GUCA2B: variants seen among roughly 807,000 people sequenced by gnomAD.
GUCA2B encodes the protein guanylate cyclase activator 2B.
GUCA2B carries 7 observed loss-of-function variants against 11.1 expected under a neutral mutation model. That is an observed-to-expected ratio of 0.63 (90% confidence interval 0.36 to 1.18). The LOEUF is 1.18. Among genes scored for constraint, GUCA2B ranks in the 50% most tolerant of loss-of-function variants. GUCA2B has a pLI of 0.02. For synonymous variants in GUCA2B, 69 were observed against 65.3 expected (o/e 1.06, Z -0.27); for missense variants, 140 against 142.5 (o/e 0.98, Z 0.09).
At position 42,154,824 on chromosome 1, in the gene GUCA2B, G is replaced by C. The variant is rs1264854206; in HGVS notation, c.235G>C (p.Val79Leu). Residue 79 changes from valine (V) to leucine (L), a missense_variant, in exon 2 of 3, where the codon GTC becomes CTC. Physicochemically the swap from Val to Leu is conservative, Grantham distance 32 (BLOSUM62 1). Coordinates refer to ENST00000372581, the MANE Select transcript of GUCA2B (RefSeq NM_007102.3). ...TGCTCTGCCTCAGGACCTTCAGCCT[G>C]TCTGCGCCTCGCAGGAGGCTTCCAG... is the stretch of plus-strand genomic sequence containing the variant. ...HPALPQDLQP[V>L]CASQEASSIF... 1 of 1,614,046 alleles carries C rather than the reference G, an allele frequency of 6.2e-7. No individual in the cohort carries two copies. Among genetic ancestry groups the C allele is most frequent in the South Asian group, 1.1e-5 (1 of 91,064 alleles).
intron 1 of GUCA2B, 78 bp from the exon 2 acceptor site, chr1:42,154,602 G>C: frequency 8.2e-7 from 1 of 1,219,836 alleles, no homozygotes; most frequent in Non-Finnish European, 1.2e-6. Flanking sequence ...CAGGGTTTGA[G>C]CAACCCTGGG....
intron 2 of GUCA2B, 51 bp downstream of exon 2, chr1:42,154,917 A>G: frequency 7.0e-7 from 1 of 1,435,004 alleles, no homozygotes; most frequent in Non-Finnish European, 9.6e-7. Context: ...TCCCACGCCC[A>G]GGCTCCTCCA....
chr1:42,153,588 G>A, intron 1 of GUCA2B, 48 bp downstream of exon 1: 3 of 1,359,798 alleles, frequency 2.2e-6, no homozygotes, highest in Admixed American at 1.7e-5. Context: ...CCCCATGGTG[G>A]GAGGCTAGGC....
At chr1:42,154,603 C>A in intron 1 of GUCA2B, 77 bp from the exon 2 acceptor site, 1 of 1,228,308 alleles carries the variant, frequency 8.1e-7, no homozygotes, top group Non-Finnish European at 1.2e-6. Flanking sequence ...AGGGTTTGAG[C>A]AACCCTGGGT....
At position 42,155,602 on chromosome 1, in the gene GUCA2B, C is replaced by G; in HGVS notation, c.*6C>G. 1 of 1,609,658 alleles carries G rather than the reference C, an allele frequency of 6.2e-7. No homozygotes were observed. The highest frequency in any genetic ancestry group is 8.5e-7 in the Non-Finnish European group (1 of 1,175,906). On this transcript the variant is annotated 3_prime_UTR_variant, in exon 3 of 3. Transcript: ENST00000372581. ...CGTGTACCGGCTGCCTCTGAGATAG[C>G]CCTGGGTACCCTGAGCCCACCAGGG... is the stretch of plus-strand genomic sequence containing the variant.
At chr1:42,155,451 G>A (rs1304439250) in intron 2 of GUCA2B, 84 bp from the exon 3 acceptor site, 12 of 1,071,124 alleles carry the variant, frequency 1.1e-5, no homozygotes, top group African/African-American at 1.5e-5. Context: ...GGAAGATGCC[G>A]CCCATTCCCA....
At position 42,155,647 on chromosome 1, in the gene GUCA2B, A is replaced by G. The variant is rs1202015346; in HGVS notation, c.*51A>G. On this transcript the variant is annotated 3_prime_UTR_variant, in exon 3 of 3. Transcript: ENST00000372581. Reference sequence around the variant, plus strand: ...CCAGGGACACCTCGCCCTTCAGCCCACCACCCTGGCAGGCTTCCATCCCCG... The same window carrying G: ...CCAGGGACACCTCGCCCTTCAGCCCGCCACCCTGGCAGGCTTCCATCCCCG... The G allele has an allele frequency of 7.2e-7, 1 of 1,396,450 alleles. No individual in the cohort carries two copies. The highest frequency in any genetic ancestry group is 1.0e-6 in the Non-Finnish European group (1 of 981,020). The allele number at this position is 1,396,450 out of a possible 1,614,324, so 86.5% of individuals were successfully genotyped here. A position where few individuals can be genotyped will look rare whatever the true frequency, so the allele number is the denominator to read the frequency against.
intron 2 of GUCA2B, 56 bp from the exon 3 acceptor site, chr1:42,155,479 G>A: frequency 7.2e-7 from 1 of 1,398,468 alleles, no homozygotes; most frequent in Non-Finnish European, 1.0e-6. Flanking sequence ...CTCTTCTGCT[G>A]CCTGGCCACA....
chr1:42,155,755 T>C lies in GUCA2B; in HGVS notation c.*159T>C, dbSNP rs770447622. On this transcript the variant is annotated 3_prime_UTR_variant, in exon 3 of 3. Transcript: ENST00000372581. ...AGCAGCTGGATCTGGTACAAAGCAA[T>C]CGGACATAGAGTTGGAGGGGGAGGC... is the stretch of plus-strand genomic sequence containing the variant. 3 of 681,532 alleles carry C rather than the reference T, an allele frequency of 4.4e-6. No homozygotes were observed. Among genetic ancestry groups the C allele is most frequent in the Non-Finnish European group, 8.0e-6 (3 of 375,504 alleles). The allele number at this position is 681,532 out of a possible 1,614,324, so 42.2% of individuals were successfully genotyped here.
intron 2 of GUCA2B, 70 bp downstream of exon 2, chr1:42,154,936 G>GT (rs906807376): frequency 8.5e-6 from 11 of 1,294,718 alleles, no homozygotes; most frequent in Non-Finnish European, 1.2e-5. Context: ...CACCTGGGTT[G>GT]TTTCTCTTAA....
chr1:42,155,683 A>G lies in GUCA2B; in HGVS notation c.*87A>G. 1 of 1,020,964 alleles carries G rather than the reference A, an allele frequency of 9.8e-7. No individual in the cohort carries two copies. The highest frequency in any genetic ancestry group is 1.7e-5 in the Admixed American group (1 of 58,892). The allele number at this position is 1,020,964 out of a possible 1,614,324, so 63.2% of individuals were successfully genotyped here. On this transcript the variant is annotated 3_prime_UTR_variant, in exon 3 of 3. Transcript: ENST00000372581. ...AGGCTTCCATCCCCGTCCATGCTCA[A>G]GATGGGTCCCTGGCCACCATGGTCA...
intron 1 of GUCA2B, 102 bp from the exon 2 acceptor site, chr1:42,154,578 C>T (rs1424777732): frequency 1.1e-6 from 1 of 918,478 alleles, no homozygotes; most frequent in Non-Finnish European, 1.8e-6. Flanking sequence ...ACGGGGAAGG[C>T]TCTGGAGGAT....
At chr1:42,153,564 CT>C in intron 1 of GUCA2B, 24 bp downstream of exon 1, 1 of 1,549,840 alleles carries the variant, frequency 6.5e-7, no homozygotes, top group Non-Finnish European at 8.9e-7. Context: ...CCAGCGTTCC[CT>C]TTGCCTGAAG....
chr1:42,153,881 C>T (rs1334208917), intron 1 of GUCA2B, among the ~76,000 whole-genome samples: 3 of 152,270 alleles, frequency 2.0e-5, no homozygotes, highest in Non-Finnish European at 2.9e-5. Context: ...CCCACAGTTC[C>T]GTATATTCAC....
intron 1 of GUCA2B, 64 bp from the exon 2 acceptor site, chr1:42,154,616 C>A: frequency 7.4e-7 from 1 of 1,355,892 alleles, no homozygotes; most frequent in South Asian, 1.2e-5. Context: ...CCCTGGGTGT[C>A]ATGGCAGTGC....
chr1:42,155,001 G>T lies in GUCA2B; in HGVS notation c.277+135G>T, dbSNP rs1569690688. The T allele has an allele frequency of 2.0e-5, 14 of 699,240 alleles. No individual in the cohort carries two copies. In the East Asian group the frequency reaches 3.8e-4, roughly 19 times the overall value. The allele number at this position is 699,240 out of a possible 1,614,324, so 43.3% of individuals were successfully genotyped here. ...AAGTAACTCAGGCCCTGTCCCACTGGCTCCCAGGACTCCCCGGTTTGGGCA... is the reference window on the plus strand; with the variant it reads ...AAGTAACTCAGGCCCTGTCCCACTGTCTCCCAGGACTCCCCGGTTTGGGCA... On this transcript the variant is annotated intron_variant, in intron 2 of 2. Coordinates refer to ENST00000372581, the MANE Select transcript of GUCA2B (RefSeq NM_007102.3).
chr1:42,155,604 C>G lies in GUCA2B; in HGVS notation c.*8C>G. 8.1e-6 allele frequency: 13 copies of G among 1,608,320 alleles called. No individual in the cohort carries two copies. The highest frequency in any genetic ancestry group is 1.1e-5 in the Non-Finnish European group (13 of 1,174,648). On this transcript the variant is annotated 3_prime_UTR_variant, in exon 3 of 3. Coordinates refer to ENST00000372581, the MANE Select transcript of GUCA2B (RefSeq NM_007102.3). ...TGTACCGGCTGCCTCTGAGATAGCCCTGGGTACCCTGAGCCCACCAGGGAC... is the reference window on the plus strand; with the variant it reads ...TGTACCGGCTGCCTCTGAGATAGCCGTGGGTACCCTGAGCCCACCAGGGAC...
intron 2 of GUCA2B, 97 bp from the exon 3 acceptor site, chr1:42,155,438 T>G: frequency 1.1e-6 from 1 of 939,742 alleles, no homozygotes; most frequent in South Asian, 1.3e-5. Flanking sequence ...GCTCCCAGTC[T>G]GTGGAAGATG....
intron 1 of GUCA2B, 40 bp downstream of exon 1, chr1:42,153,580 C>G (rs373673556): frequency 5.0e-5 from 71 of 1,414,852 alleles, no homozygotes; most frequent in Non-Finnish European, 6.8e-5. Flanking sequence ...CTGAAGGGCC[C>G]CATGGTGGGA....
Sources: gnomAD v4.1 joint callset for allele counts (sites outside exome capture counted in the v4.1 genomes callset) on GRCh38, gnomAD v4.1.1 for gene constraint, MANE v1.5 for transcripts, NCBI Gene and HGNC (gene_info 2026-07-23, HGNC 2026-07-21) for gene names.